NAV2: variants seen among roughly 807,000 people sequenced by gnomAD.
The protein encoded by NAV2 is neuron navigator 2, also known as helicase, APC down-regulated 1.
A neutral mutation model predicts 223.2 loss-of-function variants in NAV2; 54 were observed. The ratio of observed to expected loss-of-function variants is 0.24; its 90% CI spans 0.19 to 0.30. The LOEUF (loss-of-function observed/expected upper bound fraction) is 0.30. NAV2 is among the 10% of genes least tolerant of loss of function. The probability of loss-of-function intolerance (pLI) is 1.00; values close to 1 mark genes in which losing one functional copy is unlikely to be tolerated. For missense variants in NAV2, 2,806 were observed against 3,147.5 expected (o/e 0.89, Z 2.60); for synonymous variants, 1,279 against 1,239.3 (o/e 1.03, Z -0.67).
intron 3 of NAV2, among the ~76,000 whole-genome samples, chr11:19,861,987 T>G (rs929033729): frequency 6.6e-6 from 1 of 152,210 alleles, no homozygotes; most frequent in African/African-American, 2.4e-5. Context: ...GAACTTTAGC[T>G]ACAACTCCCC....
intron 1 of NAV2, among the ~76,000 whole-genome samples, chr11:19,510,501 C>T (rs77155453): frequency 1.6e-4 from 25 of 152,308 alleles, no homozygotes; most frequent in African/African-American, 5.3e-4. Flanking sequence ...GCCCTTATGT[C>T]GGGCGATCCT....
chr11:19,908,683 C>T (rs1184482167), intron 6 of NAV2, among the ~76,000 whole-genome samples: 2 of 152,060 alleles, frequency 1.3e-5, no homozygotes, highest in Non-Finnish European at 2.9e-5. Context: ...TATTTGACAG[C>T]ACAGCTCTAG....
intron 1 of NAV2, among the ~76,000 whole-genome samples, chr11:19,440,602 G>C (rs550525909): frequency 6.6e-6 from 1 of 152,304 alleles, no homozygotes; most frequent in South Asian, 2.1e-4. Flanking sequence ...TACTGAGGAT[G>C]CTGAAAGTAC....
At chr11:19,442,408 A>G (rs907836529) in intron 1 of NAV2, among the ~76,000 whole-genome samples, 16 of 152,248 alleles carry the variant, frequency 1.1e-4, no homozygotes, top group Non-Finnish European at 8.8e-5. Context: ...ATACATAAGG[A>G]TAATTACGTC....
chr11:20,055,471 A>G (rs191784049), intron 18 of NAV2, among the ~76,000 whole-genome samples: 1 of 152,274 alleles, frequency 6.6e-6, no homozygotes, highest in East Asian at 1.9e-4. Flanking sequence ...ATCATTCCAG[A>G]TGAGCCTGGG....
chr11:19,418,890 C>T (rs1850493292), intron 1 of NAV2, among the ~76,000 whole-genome samples: 2 of 152,070 alleles, frequency 1.3e-5, no homozygotes, highest in South Asian at 4.1e-4. Context: ...ATGGGCTCAT[C>T]TCTGGTAGTG....
chr11:19,958,702 C>A (rs2048100183), intron 10 of NAV2, among the ~76,000 whole-genome samples: 1 of 152,252 alleles, frequency 6.6e-6, no homozygotes, highest in Admixed American at 6.5e-5. Flanking sequence ...ATATTGTCCA[C>A]CACTGTCACT....
intron 1 of NAV2, among the ~76,000 whole-genome samples, chr11:19,552,921 GA>G (rs1456511590): frequency 6.6e-6 from 1 of 151,948 alleles, no homozygotes; most frequent in Non-Finnish European, 1.5e-5. Context: ...AGCTGGATGG[GA>G]GTGCTGAGAC....
chr11:19,582,804 T>C (rs1435949412), intron 1 of NAV2, among the ~76,000 whole-genome samples: 19 of 152,154 alleles, frequency 1.2e-4, no homozygotes, highest in East Asian at 7.7e-4. Context: ...TAGTGTGATG[T>C]CTCCAGCTTT....
intron 11 of NAV2, among the ~76,000 whole-genome samples, chr11:20,001,711 G>T (rs529436453): frequency 1.5e-5 from 2 of 129,986 alleles, no homozygotes; most frequent in East Asian, 2.7e-4. Flanking sequence ...GTTGTGGGGT[G>T]GGGGGAGGGG....
At chr11:19,381,737 A>T (rs1848844018) in intron 1 of NAV2, among the ~76,000 whole-genome samples, 1 of 152,202 alleles carries the variant, frequency 6.6e-6, no homozygotes, top group African/African-American at 2.4e-5. Flanking sequence ...CGTCAGGGCA[A>T]ATGTGGCCAT....
intron 1 of NAV2, among the ~76,000 whole-genome samples, chr11:19,643,315 TC>T (rs2047718948): frequency 1.3e-5 from 1 of 75,084 alleles, no homozygotes; most frequent in Non-Finnish European, 2.4e-5. Flanking sequence ...CCCTCCCCCC[TC>T]CCCCCACCCC....
chr11:19,585,716 C>A (rs749771300), intron 1 of NAV2, among the ~76,000 whole-genome samples: 18 of 152,218 alleles, frequency 1.2e-4, no homozygotes, highest in South Asian at 8.3e-4. Context: ...CCCCCACTTT[C>A]TTCTTGCTTG....
intron 6 of NAV2, among the ~76,000 whole-genome samples, chr11:19,927,713 CA>C (rs150124143): frequency 6.6e-6 from 1 of 151,466 alleles, no homozygotes; most frequent in Non-Finnish European, 1.5e-5. Context: ...CAAAACAAAA[CA>C]AAAAAAACCT....
chr11:19,892,992 T>G (rs904037621), intron 6 of NAV2, among the ~76,000 whole-genome samples: 3 of 152,138 alleles, frequency 2.0e-5, no homozygotes, highest in African/African-American at 7.2e-5. Flanking sequence ...TCAGAAATAA[T>G]GTGAGGGGAG....
At chr11:19,388,600 T>C (rs892131564) in intron 1 of NAV2, among the ~76,000 whole-genome samples, 5 of 151,702 alleles carry the variant, frequency 3.3e-5, no homozygotes, top group African/African-American at 7.3e-5. Flanking sequence ...TGAGAGGGAG[T>C]GGGTGTGATG....
At chr11:19,427,339 C>T (rs1196750663) in intron 1 of NAV2, among the ~76,000 whole-genome samples, 3 of 151,870 alleles carry the variant, frequency 2.0e-5, no homozygotes, top group African/African-American at 7.3e-5. Flanking sequence ...TGTGCTGGTC[C>T]TTCTTCCTTC....
chr11:19,999,992 A>T (rs764774844), intron 11 of NAV2, among the ~76,000 whole-genome samples: 3 of 152,228 alleles, frequency 2.0e-5, no homozygotes, highest in Middle Eastern at 3.2e-3. Context: ...CACCGTGGCC[A>T]CTGGCCTGTG....
chr11:19,391,432 T>G (rs998991160), intron 1 of NAV2, among the ~76,000 whole-genome samples: 1 of 152,196 alleles, frequency 6.6e-6, no homozygotes, highest in East Asian at 1.9e-4. Flanking sequence ...ACCCTCGAGT[T>G]AAACCCCCAG....
Sources: allele counts gnomAD v4.1 joint callset (sites outside exome capture counted in the v4.1 genomes callset), GRCh38; gene constraint gnomAD v4.1.1; transcripts MANE v1.5; gene names NCBI Gene and HGNC (gene_info 2026-07-23, HGNC 2026-07-21).